The following SNRPN variants were observed in gnomAD, a reference collection of about 807,000 sequenced individuals.
The protein encoded by SNRPN is small nuclear ribonucleoprotein polypeptide N.
A neutral mutation model predicts 25.2 loss-of-function variants in SNRPN; 7 were observed. That is an observed-to-expected ratio of 0.28 (90% CI 0.16 to 0.52). The LOEUF is 0.52. SNRPN is among the 20% of genes least tolerant of loss of function. SNRPN has a pLI of 0.96. For synonymous variants in SNRPN, 124 were observed against 110.6 expected (o/e 1.12, Z -0.76); for missense variants, 196 against 322.5 (o/e 0.61, Z 3.00).
At chr15:24,894,344 A>C (rs542556137) in intron 2 of SNRPN, among the ~76,000 whole-genome samples, 1 of 152,048 alleles carries the variant, frequency 6.6e-6, no homozygotes, top group East Asian at 1.9e-4. Context: ...TCAGCCTCCC[A>C]AGTAGCTGGG....
At chr15:24,950,966 G>A (rs966547300), upstream of SNRPN, among the ~76,000 whole-genome samples, 5 of 151,824 alleles carry the variant, frequency 3.3e-5, no homozygotes, top group African/African-American at 1.2e-4. Context: ...GCTCAAGGGA[G>A]TCTTTAGTCT....
chr15:24,843,819 A>ACACAC (rs1555378754), intron 2 of SNRPN, among the ~76,000 whole-genome samples: 1 of 151,420 alleles, frequency 6.6e-6, no homozygotes, highest in African/African-American at 2.4e-5. Context: ...ACACACACAG[A>ACACAC]AAACTTAGCT....
intron 1 of SNRPN, among the ~76,000 whole-genome samples, chr15:24,874,300 ACT>A (rs1420365448): frequency 1.8e-5 from 2 of 111,568 alleles, no homozygotes; most frequent in Admixed American, 1.3e-4. Context: ...ACAGAGTGAG[ACT>A]CTGTCTCAAA....
rs901080672 is a variant in SNRPN, at chr15:24,921,936, C to T, written c.-391+1812C>T. On this transcript the variant is annotated intron_variant, in intron 3 of 11. Transcript: ENST00000400097. ...CATACAGACCGGGCACGGTGGCTCA[C>T]GCCTGTAATCCCAGCACTTTGGGAG... Among the ~76,000 whole-genome samples the T allele has an allele frequency of 8.6e-5, 13 of 151,548 alleles. 1 individual carries two copies. The highest frequency in any genetic ancestry group is 2.1e-4 in the South Asian group (1 of 4,810).
chr15:24,859,567 G>A lies in SNRPN; in HGVS notation c.-579+2851G>A, dbSNP rs1363714543. Among the ~76,000 whole-genome samples the A allele has an allele frequency of 3.3e-5, 5 of 152,170 alleles. No individual in the cohort carries two copies. The South Asian group carries it at 6.2e-4, about 19-fold the overall frequency. On this transcript the variant is annotated intron_variant, in intron 1 of 11. Transcript: ENST00000400097. The stretch of plus-strand genomic sequence containing the variant: ...CAGACTAACAGCATTGATACTTTAT[G>A]GATATTTTTATTCCAAATTAATAGA...
chr15:24,949,941 C>T (rs896515497), upstream of SNRPN, among the ~76,000 whole-genome samples: 7 of 151,792 alleles, frequency 4.6e-5, no homozygotes, highest in Admixed American at 4.6e-4. Flanking sequence ...AGTCCTCCCA[C>T]CTCAGTTTGG....
intron 2 of SNRPN, among the ~76,000 whole-genome samples, chr15:24,908,667 T>G (rs567787165): frequency 1.3e-4 from 20 of 149,130 alleles, no homozygotes; most frequent in African/African-American, 5.1e-4. Context: ...AAGGCCGGAG[T>G]AACTCACCAT....
chr15:24,913,142 G>A (rs1472954520), intron 2 of SNRPN, among the ~76,000 whole-genome samples: 4 of 152,004 alleles, frequency 2.6e-5, no homozygotes, highest in Non-Finnish European at 5.9e-5. Context: ...GTTTCACCAT[G>A]TTTGCCAGTC....
chr15:24,853,169 G>A (rs78945064), upstream of SNRPN, among the ~76,000 whole-genome samples: 12,283 of 152,024 alleles, frequency 0.081, 677 homozygotes, highest in Middle Eastern at 0.16. Context: ...AGTGTGTTAC[G>A]CTTGTTACAA....
chr15:24,946,579 C>T (rs1284812518), intron 3 of SNRPN, among the ~76,000 whole-genome samples: 1 of 152,080 alleles, frequency 6.6e-6, no homozygotes, highest in Non-Finnish European at 1.5e-5. Context: ...AAGCAATTTT[C>T]CTGTCCCAAC....
At chr15:24,939,038 AT>A (rs2061400408) in intron 3 of SNRPN, among the ~76,000 whole-genome samples, 1 of 152,180 alleles carries the variant, frequency 6.6e-6, no homozygotes, top group Admixed American at 6.5e-5. Flanking sequence ...AAAATAAGAT[AT>A]AGTTAATATA....
chr15:24,959,914 T>A (rs2074492606), intron 1 of SNRPN, among the ~76,000 whole-genome samples: 1 of 152,222 alleles, frequency 6.6e-6, no homozygotes, highest in African/African-American at 2.4e-5. Flanking sequence ...CTTGAAATTT[T>A]GTCTTTTTGG....
chr15:24,960,136 A>G (rs1844954678), intron 1 of SNRPN, among the ~76,000 whole-genome samples: 1 of 151,134 alleles, frequency 6.6e-6, no homozygotes, highest in Non-Finnish European at 1.5e-5. Flanking sequence ...GTGGTGGTGC[A>G]TGCCTGTAAT....
chr15:24,977,598 A>C (rs1310421778), intron 7 of SNRPN, among the ~76,000 whole-genome samples, 180 bp from the exon 8 acceptor site: 1 of 152,164 alleles, frequency 6.6e-6, no homozygotes, highest in Non-Finnish European at 1.5e-5. Flanking sequence ...AGATTGCGCC[A>C]TTACACTCCA....
intron 3 of SNRPN, among the ~76,000 whole-genome samples, chr15:24,944,562 G>A (rs1323258868): frequency 6.6e-6 from 1 of 152,162 alleles, no homozygotes; most frequent in Non-Finnish European, 1.5e-5. Flanking sequence ...ATTAGCTAGT[G>A]TTCTTTTGAT....
chr15:24,966,663 G>T (rs2732025), intron 2 of SNRPN, among the ~76,000 whole-genome samples: 55,683 of 151,934 alleles, frequency 0.37, 10,553 homozygotes, highest in East Asian at 0.51. Context: ...TTCTTTCACT[G>T]GGTAAATTCC....
chr15:24,894,058 C>A lies in SNRPN; in HGVS notation c.-505+7469C>A, dbSNP rs78707895. On this transcript the variant is annotated intron_variant, in intron 2 of 11. Transcript: ENST00000400097. ...CAAAAGAAAGGCAGGCCTAGATACTCCCCCTGAGAGCTGGCAATAGATGTT... is the reference window on the plus strand; with the variant it reads ...CAAAAGAAAGGCAGGCCTAGATACTACCCCTGAGAGCTGGCAATAGATGTT... 8.3e-3 allele frequency among the ~76,000 whole-genome samples: 1,261 copies of A among 152,244 alleles called. 17 individuals carry two copies. The highest frequency in any genetic ancestry group is 0.029 in the African/African-American group (1,217 of 41,536).
upstream of SNRPN, among the ~76,000 whole-genome samples, chr15:24,952,383 G>A (rs2062349231): frequency 6.6e-6 from 1 of 152,132 alleles, no homozygotes; most frequent in Non-Finnish European, 1.5e-5. Context: ...TGGGAAAATT[G>A]AATTGTTGGG....
Position 24,886,019 on chromosome 15 carries a change from G to T in SNRPN, c.-578-497G>T, listed in dbSNP as rs531397731. 3.3e-5 allele frequency among the ~76,000 whole-genome samples: 5 copies of T among 152,132 alleles called. No homozygotes were observed. In the East Asian group the frequency reaches 7.7e-4, roughly 24 times the overall value. The stretch of plus-strand genomic sequence containing the variant: ...GCCTCACTTCTCTTTCTCCAATTTT[G>T]GAGGATGTGTAAAAAATTTTATTCT... On this transcript the variant is annotated intron_variant, in intron 1 of 11. Coordinates refer to the SNRPN transcript ENST00000400097.
Sources: allele counts gnomAD v4.1 joint callset (sites outside exome capture counted in the v4.1 genomes callset), GRCh38; gene constraint gnomAD v4.1.1; transcripts MANE v1.5; gene names NCBI Gene and HGNC (gene_info 2026-07-23, HGNC 2026-07-21).